Variants in RTTN observed in about 807,000 individuals in gnomAD.
RTTN encodes rotatin.
In RTTN, 182 loss-of-function variants were observed where a neutral mutation model predicts 269.2. The ratio of observed to expected loss-of-function variants is 0.68; its 90% CI spans 0.60 to 0.76. RTTN has a LOEUF of 0.76. Among genes scored for constraint, RTTN ranks in the 30% least tolerant of loss-of-function variants. The pLI, the probability that RTTN is intolerant of heterozygous loss-of-function variation, is 0.00. For missense variants in RTTN, 2,545 were observed against 2,608.6 expected (o/e 0.98, Z 0.53); for synonymous variants, 1,006 against 963.5 (o/e 1.04, Z -0.82).
At chr18:70,047,477 AGGCAACAG>A (rs1290035067) in intron 40 of RTTN, among the ~76,000 whole-genome samples, 1 of 152,222 alleles carries the variant, frequency 6.6e-6, no homozygotes, top group Non-Finnish European at 1.5e-5. Context: ...AAGATAAAAC[AGGCAACAG>A]GGCTTGGAAA....
intron 40 of RTTN, among the ~76,000 whole-genome samples, chr18:70,031,824 A>C (rs575732849): frequency 2.0e-4 from 30 of 151,930 alleles, no homozygotes; most frequent in African/African-American, 7.2e-4. Context: ...GAAAACACAG[A>C]GCTGGGGCTG....
rs1599063417 is a variant in RTTN at position 70,005,128 on chromosome 18, T to A, written c.6595+70A>T. The A allele has an allele frequency of 3.5e-6, 4 of 1,154,270 alleles. No homozygotes were observed. In the African/African-American group the frequency reaches 4.6e-5, roughly 13 times the overall value. 71.5% of individuals were successfully genotyped at this position (1,154,270 alleles called of 1,614,324 possible). On this transcript the variant is annotated intron_variant, in intron 48 of 48. Coordinates refer to ENST00000640769, the MANE Select transcript of RTTN (RefSeq NM_173630.4). Reference sequence around the variant, plus strand: ...CATTTTGCTGTGGCCTGTCCAAATATCTCATTAATCAGAAAATCCACTTAA... The same window carrying A: ...CATTTTGCTGTGGCCTGTCCAAATAACTCATTAATCAGAAAATCCACTTAA...
In RTTN at chr18:70,180,591, G is replaced by GAA. The variant is rs34828958; in HGVS notation, c.1306-3748_1306-3747dup. Among the ~76,000 whole-genome samples the GAA allele has an allele frequency of 3.7e-4, 35 of 95,060 alleles. 1 individual carries two copies. The highest frequency in any genetic ancestry group is 6.1e-4 in the South Asian group (2 of 3,272). The allele number at this position is 95,060 out of a possible 152,430, so 62.4% of individuals were successfully genotyped here. On this transcript the variant is annotated intron_variant, in intron 10 of 48. Transcript: ENST00000640769. ...AGTGAGACTCTGAGTCTGGGGAAGA[G>GAA]AAAAAAAAAAAAAAAAAGCCCTCAC...
intron 33 of RTTN, among the ~76,000 whole-genome samples, 160 bp from the exon 34 acceptor site, chr18:70,074,154 AT>A (rs1350565240): frequency 1.3e-5 from 2 of 151,640 alleles, no homozygotes; most frequent in African/African-American, 4.9e-5. Context: ...AAAAAAAAAA[AT>A]CTAAGGAGAG....
intron 10 of RTTN, among the ~76,000 whole-genome samples, chr18:70,178,649 T>C (rs2061355966): frequency 6.6e-6 from 1 of 151,692 alleles, no homozygotes; most frequent in African/African-American, 2.4e-5. Flanking sequence ...AAAACAAAAA[T>C]TAAAAATTTA....
At chr18:70,111,068 T>A (rs957413484) in intron 27 of RTTN, among the ~76,000 whole-genome samples, 2 of 152,182 alleles carry the variant, frequency 1.3e-5, no homozygotes, top group Admixed American at 6.5e-5. Flanking sequence ...GACAGGGACT[T>A]ATAGATAAAA....
intron 11 of RTTN, among the ~76,000 whole-genome samples, chr18:70,169,684 A>G (rs1351467476): frequency 6.6e-6 from 1 of 152,234 alleles, no homozygotes; most frequent in East Asian, 1.9e-4. Context: ...CAATATGCCC[A>G]AATGAAATAT....
chr18:70,007,402 G>A (rs1418756489), intron 46 of RTTN: 1 of 152,330 alleles, frequency 6.6e-6, no homozygotes, highest in Non-Finnish European at 1.5e-5. Context: ...ATGCCAGTGA[G>A]ACAGAGTTGT....
Position 70,188,161 on chromosome 18 carries a change from C to T in RTTN, c.1252G>A (p.Glu418Lys). ...TCCCAGATATCTGTTGAAATTGCTT[C>T]ACCAATAAGTGTCATATCCTCTGTA... ...LLTEDMTLIG[E>K]AISTDIWDDS... The change falls in exon 10 of 49, where the codon GAA becomes AAA. Residue 418 changes from glutamate to lysine, a missense_variant. Transcript: ENST00000640769. The T allele has an allele frequency of 1.2e-6, 2 of 1,612,386 alleles. No homozygotes were observed. Among genetic ancestry groups the T allele is most frequent in the Non-Finnish European group, 1.7e-6 (2 of 1,178,624 alleles).
intron 35 of RTTN, among the ~76,000 whole-genome samples, 192 bp from the exon 36 acceptor site, chr18:70,060,234 C>T (rs1382214147): frequency 6.6e-6 from 1 of 152,108 alleles, no homozygotes; most frequent in Non-Finnish European, 1.5e-5. Flanking sequence ...CTCCACCTTC[C>T]ACCATGTGTG....
chr18:70,136,822 T>C (rs966911433), intron 21 of RTTN, among the ~76,000 whole-genome samples: 13 of 152,222 alleles, frequency 8.5e-5, no homozygotes, highest in African/African-American at 2.9e-4. Context: ...TCACACAACA[T>C]GATTACTGTC....
chr18:70,127,271 A>G (rs1317090237), intron 25 of RTTN, among the ~76,000 whole-genome samples: 1 of 152,162 alleles, frequency 6.6e-6, no homozygotes, highest in African/African-American at 2.4e-5. Context: ...TTGTGAGGTA[A>G]AATTTTCTAA....
At chr18:70,192,628 C>T (rs537054592) in intron 8 of RTTN, among the ~76,000 whole-genome samples, 1 of 148,746 alleles carries the variant, frequency 6.7e-6, no homozygotes, top group Non-Finnish European at 1.5e-5. Flanking sequence ...TATAATCGTG[C>T]CACTGCACTC....
intron 14 of RTTN, among the ~76,000 whole-genome samples, chr18:70,154,839 A>G (rs755870598): frequency 6.6e-6 from 1 of 152,194 alleles, no homozygotes; most frequent in Admixed American, 6.5e-5. Context: ...ATAAACATGC[A>G]AAGTAGAAGA....
At chr18:70,136,323 C>T (rs903870829) in intron 21 of RTTN, among the ~76,000 whole-genome samples, 1 of 151,848 alleles carries the variant, frequency 6.6e-6, no homozygotes, top group Non-Finnish European at 1.5e-5. Context: ...AGAGAAAGTC[C>T]TACTTGAAGA....
At chr18:70,185,783 CAAAACAAAA>C (rs2061530244) in intron 10 of RTTN, among the ~76,000 whole-genome samples, 1 of 151,310 alleles carries the variant, frequency 6.6e-6, no homozygotes, top group Admixed American at 6.6e-5. Context: ...GAAAACAAAA[CAAAACAAAA>C]AAAACTACCA....
At chr18:70,192,625 G>T (rs140379016) in intron 8 of RTTN, among the ~76,000 whole-genome samples, 1 of 147,140 alleles carries the variant, frequency 6.8e-6, no homozygotes, top group South Asian at 2.1e-4. Context: ...GGCTATAATC[G>T]TGCCACTGCA....
intron 32 of RTTN, among the ~76,000 whole-genome samples, chr18:70,085,832 G>A (rs566725340): frequency 6.6e-6 from 1 of 152,134 alleles, no homozygotes; most frequent in Non-Finnish European, 1.5e-5. Flanking sequence ...AGGAGGGAGT[G>A]GGGGAGGCGG....
At chr18:70,170,674 T>C (rs1260947944) in intron 11 of RTTN, among the ~76,000 whole-genome samples, 1 of 152,166 alleles carries the variant, frequency 6.6e-6, no homozygotes, top group African/African-American at 2.4e-5. Flanking sequence ...CATAAGGAAT[T>C]GTCCTCTGCT....
Sources: allele counts gnomAD v4.1 joint callset (sites outside exome capture counted in the v4.1 genomes callset), GRCh38; gene constraint gnomAD v4.1.1; transcripts MANE v1.5; gene names NCBI Gene and HGNC (gene_info 2026-07-23, HGNC 2026-07-21).